Variants in CMKLR2 observed in about 807,000 individuals in gnomAD.
CMKLR2 encodes the protein chemerin-like receptor 2.
A neutral mutation model predicts 23.0 loss-of-function variants in CMKLR2; 18 were observed. The observed-to-expected ratio is 0.78, with a 90% CI of 0.54 to 1.16. The LOEUF (loss-of-function observed/expected upper bound fraction) is 1.16, where lower values mean the gene tolerates loss of function less well. CMKLR2 is among the 50% of genes most tolerant of loss of function. The pLI is 0.00. For missense variants in CMKLR2, 401 were observed against 412.7 expected (o/e 0.97, Z 0.25); for synonymous variants, 158 against 158.9 (o/e 0.99, Z 0.05).
At chr2:206,202,373 T>G (rs1023305993) in intron 1 of CMKLR2, among the ~76,000 whole-genome samples, 1 of 152,156 alleles carries the variant, frequency 6.6e-6, no homozygotes, top group Non-Finnish European at 1.5e-5. Context: ...TGAAATATAT[T>G]TTTTAAAATA....
At chr2:206,200,566 T>G (rs951456100) in intron 1 of CMKLR2, among the ~76,000 whole-genome samples, 1 of 152,234 alleles carries the variant, frequency 6.6e-6, no homozygotes, top group African/African-American at 2.4e-5. Context: ...AGTCACAAAA[T>G]GTCTTGACAC....
chr2:206,207,428 C>A (rs1225772664), intron 1 of CMKLR2, among the ~76,000 whole-genome samples: 1 of 152,116 alleles, frequency 6.6e-6, no homozygotes, highest in Non-Finnish European at 1.5e-5. Context: ...GTATGAGACA[C>A]CATGCCTGGC....
chr2:206,193,771 T>G (rs1688828920), intron 1 of CMKLR2, among the ~76,000 whole-genome samples: 1 of 152,226 alleles, frequency 6.6e-6, no homozygotes, highest in Admixed American at 6.5e-5. Flanking sequence ...TGTCTGAGAC[T>G]AGAATATTTA....
intron 1 of CMKLR2, 107 bp from the exon 2 acceptor site, chr2:206,177,382 CAT>C: frequency 1.6e-6 from 1 of 615,476 alleles, no homozygotes; most frequent in Non-Finnish European, 2.8e-6. Context: ...ATGGACCAGA[CAT>C]AGTATTATTT....
chr2:206,207,766 G>T (rs1689391105), intron 1 of CMKLR2, among the ~76,000 whole-genome samples: 2 of 24,362 alleles, frequency 8.2e-5, no homozygotes, highest in Non-Finnish European at 1.5e-4. Flanking sequence ...TTTTGAGATG[G>T]AGTTTTGCCG....
chr2:206,207,572 T>C (rs1689374789), intron 1 of CMKLR2, among the ~76,000 whole-genome samples: 1 of 152,092 alleles, frequency 6.6e-6, no homozygotes. Context: ...TTAAGTATGG[T>C]ACAATGCTAA....
At chr2:206,191,837 ATTTTTTT>A (rs774926244) in intron 1 of CMKLR2, among the ~76,000 whole-genome samples, 6 of 119,248 alleles carry the variant, frequency 5.0e-5, no homozygotes, top group African/African-American at 9.6e-5. Context: ...TGCCCAACTA[ATTTTTTT>A]TTTTTTTTTT....
rs1007102843 is a variant in CMKLR2 at position 206,210,346 on chromosome 2, G to C, written c.-29+2961C>G. ...CATGATCTAATTCCTTTTCATGGCT[G>C]CACAGTATTCCATGGTGTATATGAG... On this transcript the variant is annotated intron_variant, in intron 1 of 1. Coordinates refer to ENST00000621141, the MANE Select transcript of CMKLR2 (RefSeq NM_001389445.1). Among the ~76,000 whole-genome samples, 49 of 152,100 alleles carry C rather than the reference G, an allele frequency of 3.2e-4. 1 individual carries two copies. The highest frequency in any genetic ancestry group is 3.0e-3 in the Admixed American group (46 of 15,258).
At chr2:206,196,890 C>T (rs1409705693) in intron 1 of CMKLR2, among the ~76,000 whole-genome samples, 1 of 152,010 alleles carries the variant, frequency 6.6e-6, no homozygotes, top group African/African-American at 2.4e-5. Flanking sequence ...GAAGAGAGGA[C>T]ACTCAGGAAA....
At chr2:206,200,381 C>T (rs1413037250) in intron 1 of CMKLR2, among the ~76,000 whole-genome samples, 3 of 152,058 alleles carry the variant, frequency 2.0e-5, no homozygotes, top group Non-Finnish European at 2.9e-5. Flanking sequence ...CGAGATGGCG[C>T]CATTGCACTC....
At position 206,195,382 on chromosome 2, in the gene CMKLR2, G is replaced by A. The variant is rs181469443; in HGVS notation, c.-29+17925C>T. Among the ~76,000 whole-genome samples the A allele has an allele frequency of 2.0e-5, 3 of 152,254 alleles. No individual in the cohort carries two copies. In the East Asian group the frequency reaches 5.8e-4, roughly 29 times the overall value. The stretch of plus-strand genomic sequence containing the variant: ...CAAGAAAATTTTGACTTAGAAGCAA[G>A]ACGTTGCATCTGTTTAATATCCAGA... On this transcript the variant is annotated intron_variant, in intron 1 of 1. Coordinates refer to ENST00000621141, the MANE Select transcript of CMKLR2 (RefSeq NM_001389445.1).
At chr2:206,210,222 G>A (rs1689502974) in intron 1 of CMKLR2, among the ~76,000 whole-genome samples, 1 of 152,102 alleles carries the variant, frequency 6.6e-6, no homozygotes, top group South Asian at 2.1e-4. Context: ...GGGATTACAG[G>A]CCTAAGCCAC....
upstream of CMKLR2, among the ~76,000 whole-genome samples, chr2:206,215,025 G>C (rs1689709583): frequency 6.6e-6 from 1 of 152,114 alleles, no homozygotes. Flanking sequence ...AGAAGCACAG[G>C]ATTTTGTTTT....
intron 1 of CMKLR2, among the ~76,000 whole-genome samples, chr2:206,182,639 T>C (rs978853991): frequency 3.9e-5 from 6 of 152,022 alleles, no homozygotes; most frequent in African/African-American, 4.8e-5. Context: ...CCTTTTTTTT[T>C]TGGATGGAGT....
At chr2:206,206,636 A>G (rs1158143141) in intron 1 of CMKLR2, among the ~76,000 whole-genome samples, 2 of 152,204 alleles carry the variant, frequency 1.3e-5, no homozygotes, top group Non-Finnish European at 2.9e-5. Flanking sequence ...CTGTTACTAC[A>G]TATGTGGAGG....
intron 1 of CMKLR2, among the ~76,000 whole-genome samples, chr2:206,192,508 T>C (rs907089207): frequency 2.0e-5 from 3 of 151,702 alleles, no homozygotes; most frequent in Non-Finnish European, 4.4e-5. Flanking sequence ...TTCAAGACCA[T>C]AGTGAGAACC....
At position 206,213,309 on chromosome 2, in the gene CMKLR2, G is replaced by A. The variant is rs1476643550; in HGVS notation, c.-31C>T. The A allele has an allele frequency of 6.6e-6, 1 of 152,236 alleles. No homozygotes were observed. The highest frequency in any genetic ancestry group is 1.5e-5 in the Non-Finnish European group (1 of 68,052). 9.4% of individuals were successfully genotyped at this position (152,236 alleles called of 1,614,324 possible). A position where few individuals can be genotyped will look rare whatever the true frequency, so the allele number is the denominator to read the frequency against. ...AAAACAAACAGGAAAGCACTTACCA[G>A]TTAAATTTCTGTGAGGAGAGAAGCT... On this transcript the variant is annotated splice_region_variant and 5_prime_UTR_variant, in exon 1 of 2. Transcript: ENST00000621141.
chr2:206,207,727 C>CTTTTTTT (rs1559098514), intron 1 of CMKLR2, among the ~76,000 whole-genome samples: 1 of 29,834 alleles, frequency 3.4e-5, no homozygotes, highest in Non-Finnish European at 5.9e-5. Context: ...GACCTCAGGG[C>CTTTTTTT]CTTTTTTTTT....
intron 1 of CMKLR2, among the ~76,000 whole-genome samples, chr2:206,212,152 TATC>T (rs1689592122): frequency 6.6e-6 from 1 of 152,210 alleles, no homozygotes; most frequent in Non-Finnish European, 1.5e-5. Context: ...TTTACATGAT[TATC>T]ATTCTGGTTA....
Sources: allele counts gnomAD v4.1 joint callset (sites outside exome capture counted in the v4.1 genomes callset), GRCh38; gene constraint gnomAD v4.1.1; transcripts MANE v1.5; gene names NCBI Gene and HGNC (gene_info 2026-07-23, HGNC 2026-07-21).